AFF4: variants seen among roughly 807,000 people sequenced by gnomAD.
The protein encoded by AFF4 is AF4/FMR2 family member 4.
AFF4 carries 13 observed loss-of-function variants against 124.8 expected under a neutral mutation model. The ratio of observed to expected loss-of-function variants is 0.10; its 90% CI spans 0.07 to 0.17. The LOEUF (loss-of-function observed/expected upper bound fraction) is 0.17. Among genes scored for constraint, AFF4 ranks in the 10% least tolerant of loss-of-function variants. The probability of loss-of-function intolerance (pLI) is 1.00; values close to 1 mark genes in which losing one functional copy is unlikely to be tolerated. For missense variants in AFF4, 1,092 were observed against 1,403.8 expected (o/e 0.78, Z 3.55); for synonymous variants, 477 against 496.1 (o/e 0.96, Z 0.51).
chr5:132,926,937 G>A (rs2150093080), intron 5 of AFF4, 184 bp downstream of exon 5: 1 of 533,098 alleles, frequency 1.9e-6, no homozygotes, highest in Non-Finnish European at 3.3e-6. Flanking sequence ...GATGCTCTCA[G>A]TTCCATTACC....
At chr5:132,936,973 A>G (rs1761447256) in intron 2 of AFF4, 94 bp downstream of exon 2, 1 of 1,462,922 alleles carries the variant, frequency 6.8e-7, no homozygotes, top group East Asian at 2.3e-5. Context: ...ATTCATAGTA[A>G]TTCTTTTCTA....
chr5:132,907,968 C>T (rs183981052), intron 5 of AFF4, among the ~76,000 whole-genome samples: 1 of 152,278 alleles, frequency 6.6e-6, no homozygotes, highest in Admixed American at 6.5e-5. Flanking sequence ...GAGAGTTACA[C>T]AACTACATCT....
chr5:132,900,694 A>C (rs988538346), intron 7 of AFF4, among the ~76,000 whole-genome samples: 12 of 152,254 alleles, frequency 7.9e-5, no homozygotes, highest in African/African-American at 2.4e-4. Flanking sequence ...AAGCAAAATT[A>C]AAGATGTAAA....
Position 132,880,179 on chromosome 5 carries a change from T to C in AFF4, c.*880A>G, listed in dbSNP as rs1038395875. On this transcript the variant is annotated 3_prime_UTR_variant, in exon 21 of 21. Coordinates refer to ENST00000265343, the MANE Select transcript of AFF4 (RefSeq NM_014423.4). Reference sequence around the variant, plus strand: ...TAACTTATTCTGTTTCGATTAAGTGTCAAATGATTAGCAACAAAAAATAAC... The same window carrying C: ...TAACTTATTCTGTTTCGATTAAGTGCCAAATGATTAGCAACAAAAAATAAC... 2 of 398,810 alleles carry C rather than the reference T, an allele frequency of 5.0e-6. No homozygotes were observed. Among genetic ancestry groups the C allele is most frequent in the Non-Finnish European group, 8.9e-6 (2 of 225,988 alleles). The allele number at this position is 398,810 out of a possible 1,614,324, so 24.7% of individuals were successfully genotyped here.
intron 1 of AFF4, among the ~76,000 whole-genome samples, chr5:132,942,555 G>A (rs1467482070): frequency 2.0e-5 from 3 of 150,558 alleles, no homozygotes; most frequent in African/African-American, 7.3e-5. Context: ...ACCTTCGCCT[G>A]CCGGATTCAA....
chr5:132,926,109 T>C (rs1331325960), intron 5 of AFF4: 3 of 243,836 alleles, frequency 1.2e-5, no homozygotes, highest in Non-Finnish European at 2.5e-5. Flanking sequence ...TACTGCTGAC[T>C]GATGAAAGAT....
chr5:132,935,356 T>G (rs1261671003), intron 2 of AFF4, among the ~76,000 whole-genome samples: 1 of 152,240 alleles, frequency 6.6e-6, no homozygotes, highest in African/African-American at 2.4e-5. Flanking sequence ...CCAGGTGCAG[T>G]GGCTCACACC....
At chr5:132,960,408 C>G (rs1762057110) in intron 1 of AFF4, among the ~76,000 whole-genome samples, 1 of 152,152 alleles carries the variant, frequency 6.6e-6, no homozygotes, top group Non-Finnish European at 1.5e-5. Flanking sequence ...CTTAAGAATA[C>G]CTCTTTGATT....
At chr5:132,933,302 C>A (rs551321409) in intron 3 of AFF4, among the ~76,000 whole-genome samples, 10 of 151,710 alleles carry the variant, frequency 6.6e-5, no homozygotes, top group African/African-American at 2.4e-4. Flanking sequence ...GAGGCTGAGG[C>A]AGGAGAATCG....
In AFF4 at chr5:132,952,311, T is replaced by A. The variant is rs187911287; in HGVS notation, c.-5+10948A>T. Among the ~76,000 whole-genome samples, 4 of 152,374 alleles carry A rather than the reference T, an allele frequency of 2.6e-5. 1 individual carries two copies. In the East Asian group the frequency reaches 7.7e-4, roughly 29 times the overall value. ...CAATTTCCCAACATTCTGTTTCCGA[T>A]TTCCCACATCATATTTCTTTACCAA... is the stretch of plus-strand genomic sequence containing the variant. On this transcript the variant is annotated intron_variant, in intron 1 of 20. Coordinates refer to ENST00000265343, the MANE Select transcript of AFF4 (RefSeq NM_014423.4).
chr5:132,904,450 A>G, intron 5 of AFF4, 46 bp from the exon 6 acceptor site: 1 of 1,512,182 alleles, frequency 6.6e-7, no homozygotes, highest in South Asian at 1.2e-5. Context: ...ACTAAAAAAG[A>G]AAGATTAGTG....
chr5:132,908,774 A>ATTTTT (rs374776534), intron 5 of AFF4, among the ~76,000 whole-genome samples: 56 of 122,474 alleles, frequency 4.6e-4, no homozygotes, highest in African/African-American at 1.2e-3. Context: ...ATATATATAT[A>ATTTTT]TATTTTTTTT....
intron 1 of AFF4, among the ~76,000 whole-genome samples, chr5:132,954,336 C>T (rs964209560): frequency 1.3e-5 from 2 of 152,224 alleles, no homozygotes; most frequent in East Asian, 1.9e-4. Context: ...AGAGTTCCCT[C>T]GACCCCATCA....
chr5:132,916,339 G>C (rs1221407414), intron 5 of AFF4, among the ~76,000 whole-genome samples: 1 of 151,486 alleles, frequency 6.6e-6, no homozygotes, highest in Non-Finnish European at 1.5e-5. Context: ...TAGACAGGAG[G>C]ATTGCTTTAG....
Position 132,876,210 on chromosome 5 carries a change from A to G in AFF4, c.*4849T>C. The G allele has an allele frequency of 8.0e-6, 1 of 124,966 alleles. No homozygotes were observed. 7.7% of individuals were successfully genotyped at this position (124,966 alleles called of 1,614,324 possible). A position where few individuals can be genotyped will look rare whatever the true frequency, so the allele number is the denominator to read the frequency against. On this transcript the variant is annotated 3_prime_UTR_variant, in exon 21 of 21. Transcript: ENST00000265343. ...TTGGTGAGCCCCCTACCCCCACCCC[A>G]CCCATCCCAGTACTGTTGAATGCTC... is the stretch of plus-strand genomic sequence containing the variant.
At chr5:132,888,224 G>C (rs903276256) in intron 14 of AFF4, 64 bp from the exon 15 acceptor site, 2 of 1,213,352 alleles carry the variant, frequency 1.6e-6, no homozygotes, top group Non-Finnish European at 2.3e-6. Flanking sequence ...GTTCATTTCA[G>C]TATCTAGTAT....
intron 19 of AFF4, 39 bp downstream of exon 19, chr5:132,885,037 T>C (rs772916857): frequency 5.3e-6 from 8 of 1,518,516 alleles, no homozygotes; most frequent in Non-Finnish European, 7.2e-6. Flanking sequence ...TTCACTTTTA[T>C]TGCCACAATA....
At chr5:132,915,740 G>A (rs959549416) in intron 5 of AFF4, among the ~76,000 whole-genome samples, 6 of 151,332 alleles carry the variant, frequency 4.0e-5, no homozygotes, top group African/African-American at 1.5e-4. Context: ...GCTAATTTTT[G>A]TATTTTTAGT....
At position 132,888,133 on chromosome 5, in the gene AFF4, T is replaced by C. The variant is rs754506500; in HGVS notation, c.2760A>G (p.Gln920=). Residue 920 remains glutamine, a synonymous_variant, in exon 15 of 21, where the codon CAA becomes CAG. Transcript: ENST00000265343. ...DRNYSADHYL[Q]EAKKLKHNAD... is the part of the protein sequence containing the mutation. ...CATTGTGCTTTAGCTTTTTTGCTTC[T>C]TGTAAATAATGGTCTGCTGAATAAT... The C allele has an allele frequency of 1.4e-5, 22 of 1,611,102 alleles. No individual in the cohort carries two copies. The highest frequency in any genetic ancestry group is 1.4e-5 in the Non-Finnish European group (16 of 1,178,392).
Sources: allele counts gnomAD v4.1 joint callset (sites outside exome capture counted in the v4.1 genomes callset), GRCh38; gene constraint gnomAD v4.1.1; transcripts MANE v1.5; gene names NCBI Gene and HGNC (gene_info 2026-07-23, HGNC 2026-07-21).